Variants in CLRN1 observed in about 807,000 individuals in gnomAD.
CLRN1 encodes clarin 1.
A neutral mutation model predicts 18.7 loss-of-function variants in CLRN1; 15 were observed. The ratio of observed to expected loss-of-function variants is 0.80; its 90% CI spans 0.54 to 1.23. CLRN1 has a LOEUF of 1.23. CLRN1 is among the 50% of genes most tolerant of loss of function. CLRN1 has a pLI of 0.00. For synonymous variants in CLRN1, 104 were observed against 102.9 expected (o/e 1.01, Z -0.07); for missense variants, 311 against 277.5 (o/e 1.12, Z -0.86).
At chr3:150,948,569 T>C (rs922400425) in intron 1 of CLRN1, among the ~76,000 whole-genome samples, 6 of 144,302 alleles carry the variant, frequency 4.2e-5, no homozygotes, top group African/African-American at 1.5e-4. Flanking sequence ...CATCAGAAAC[T>C]ACTATGAACA....
intron 1 of CLRN1, among the ~76,000 whole-genome samples, chr3:150,958,201 C>T (rs1458643402): frequency 6.6e-6 from 1 of 152,190 alleles, no homozygotes; most frequent in African/African-American, 2.4e-5. Context: ...TATTCCTTAT[C>T]TCAGAGAATG....
intron 2 of CLRN1, among the ~76,000 whole-genome samples, chr3:150,931,317 A>G (rs1272228157): frequency 6.6e-6 from 1 of 152,142 alleles, no homozygotes; most frequent in Non-Finnish European, 1.5e-5. Context: ...TTCCAGTATG[A>G]CCCTTTGAAT....
chr3:150,939,581 C>A (rs1367614386), intron 2 of CLRN1, among the ~76,000 whole-genome samples: 1 of 152,164 alleles, frequency 6.6e-6, no homozygotes, highest in Non-Finnish European at 1.5e-5. Context: ...CCATCTTCCC[C>A]CAGACCCCCA....
chr3:150,958,998 C>CA (rs1714893097), intron 1 of CLRN1, among the ~76,000 whole-genome samples: 1 of 152,188 alleles, frequency 6.6e-6, no homozygotes, highest in Non-Finnish European at 1.5e-5. Flanking sequence ...AGCCAATCTC[C>CA]AAAAAATATG....
chr3:150,964,804 A>G (rs1715188773), intron 1 of CLRN1, among the ~76,000 whole-genome samples: 1 of 152,224 alleles, frequency 6.6e-6, no homozygotes, highest in Non-Finnish European at 1.5e-5. Context: ...GCAGGAACAG[A>G]AAACCAAACA....
chr3:150,969,879 G>A (rs1264880990), intron 1 of CLRN1, among the ~76,000 whole-genome samples: 2 of 152,096 alleles, frequency 1.3e-5, no homozygotes, highest in Non-Finnish European at 2.9e-5. Flanking sequence ...GGGAGGCTGA[G>A]GCAGGAGAAT....
At chr3:150,951,497 C>T (rs1267340145) in intron 1 of CLRN1, among the ~76,000 whole-genome samples, 1 of 152,084 alleles carries the variant, frequency 6.6e-6, no homozygotes, top group African/African-American at 2.4e-5. Flanking sequence ...GCCACCATGC[C>T]TGGCTAATTT....
chr3:150,962,521 A>G (rs1715085918), intron 1 of CLRN1, among the ~76,000 whole-genome samples: 1 of 152,192 alleles, frequency 6.6e-6, no homozygotes, highest in African/African-American at 2.4e-5. Context: ...TCTTAATACA[A>G]TACTAGTTTT....
At position 150,972,506 on chromosome 3, in the gene CLRN1, C is replaced by G; in HGVS notation, c.203G>C (p.Gly68Ala). Reference sequence around the variant, plus strand: ...CAACCCACACTGCCTCACACCCTCTCCGTGGAAAAGCCCGTACTGCATTTC... The same window carrying G: ...CAACCCACACTGCCTCACACCCTCTGCGTGGAAAAGCCCGTACTGCATTTC... ...MGEMQYGLFH[G>A]EGVRQCGLGA... The change falls in exon 1 of 3, where the codon GGA becomes GCA. Residue 68 changes from glycine to alanine, a missense_variant. Coordinates refer to ENST00000327047, the MANE Select transcript of CLRN1 (RefSeq NM_174878.3). 6.2e-7 allele frequency: 1 copy of G among 1,614,246 alleles called. No individual in the cohort carries two copies. Among genetic ancestry groups the G allele is most frequent in the East Asian group, 2.2e-5 (1 of 44,880 alleles).
chr3:150,943,470 A>G (rs1483522016), intron 1 of CLRN1, among the ~76,000 whole-genome samples: 1 of 152,102 alleles, frequency 6.6e-6, no homozygotes, highest in Non-Finnish European at 1.5e-5. Context: ...GACATTGGAG[A>G]GATGTGACTT....
At chr3:150,935,504 A>G (rs1576627973) in intron 2 of CLRN1, among the ~76,000 whole-genome samples, 2 of 151,590 alleles carry the variant, frequency 1.3e-5, no homozygotes, top group East Asian at 2.0e-4. Flanking sequence ...ATAGTATTCC[A>G]TGGTGTATAT....
At chr3:150,956,909 G>T (rs1714764370) in intron 1 of CLRN1, among the ~76,000 whole-genome samples, 1 of 152,106 alleles carries the variant, frequency 6.6e-6, no homozygotes, top group Non-Finnish European at 1.5e-5. Flanking sequence ...GGCTTATGAA[G>T]TGCTCAGAAA....
chr3:150,945,571 G>A (rs776060040), intron 1 of CLRN1: 29 of 1,286,484 alleles, frequency 2.3e-5, no homozygotes, highest in South Asian at 4.9e-5. Context: ...CATCCTCTTC[G>A]TAAATACAGA....
At chr3:150,972,790 A>G (rs778235601), upstream of CLRN1, 20 of 1,590,964 alleles carry the variant, frequency 1.3e-5, no homozygotes, top group Admixed American at 1.9e-4. Context: ...CTTTGACTGC[A>G]TTTATTACGG....
intron 2 of CLRN1, among the ~76,000 whole-genome samples, chr3:150,940,102 T>C (rs1278766203): frequency 6.6e-6 from 1 of 152,262 alleles, no homozygotes; most frequent in Non-Finnish European, 1.5e-5. Context: ...CATATTGAAT[T>C]GTCTGCTGTG....
intron 1 of CLRN1, among the ~76,000 whole-genome samples, chr3:150,956,136 C>T (rs187270704): frequency 1.3e-5 from 2 of 152,276 alleles, no homozygotes; most frequent in Admixed American, 6.5e-5. Context: ...TTCAGTATTA[C>T]AGCTCATGCT....
In CLRN1 at chr3:150,961,463, C is replaced by A. The variant is rs186622483; in HGVS notation, c.253+10993G>T. Among the ~76,000 whole-genome samples, 8 of 152,280 alleles carry A rather than the reference C, an allele frequency of 5.3e-5. No individual in the cohort carries two copies. The East Asian group carries it at 5.8e-4, about 11-fold the overall frequency. On this transcript the variant is annotated intron_variant, in intron 1 of 2. Coordinates refer to ENST00000327047, the MANE Select transcript of CLRN1 (RefSeq NM_174878.3). The stretch of plus-strand genomic sequence containing the variant: ...GATCTAATAGTTTTGGTTTCATCAA[C>A]CTTTTTGCCTTCATCTGGCCAGATG...
At chr3:150,961,674 C>A (rs1479973561) in intron 1 of CLRN1, among the ~76,000 whole-genome samples, 1 of 152,120 alleles carries the variant, frequency 6.6e-6, no homozygotes, top group African/African-American at 2.4e-5. Flanking sequence ...AGTATTTGGC[C>A]TCTTGGTGCT....
chr3:150,960,115 T>C (rs1403056560), intron 1 of CLRN1, among the ~76,000 whole-genome samples: 1 of 152,212 alleles, frequency 6.6e-6, no homozygotes, highest in African/African-American at 2.4e-5. Flanking sequence ...TGCCATTTAC[T>C]ATGCATGTTG....
Sources: gnomAD v4.1 joint callset for allele counts (sites outside exome capture counted in the v4.1 genomes callset) on GRCh38, gnomAD v4.1.1 for gene constraint, MANE v1.5 for transcripts, NCBI Gene and HGNC (gene_info 2026-07-23, HGNC 2026-07-21) for gene names.